RORA: variants seen among roughly 807,000 people sequenced by gnomAD.
RORA encodes the protein RAR related orphan receptor A, also known as nuclear receptor ROR-alpha.
A neutral mutation model predicts 69.5 loss-of-function variants in RORA; 7 were observed. The ratio of observed to expected loss-of-function variants is 0.10; its 90% CI spans 0.06 to 0.19. RORA has a LOEUF of 0.19. RORA is among the 10% of genes least tolerant of loss of function. RORA has a pLI of 1.00. For missense variants in RORA, 457 were observed against 663.0 expected, an observed-to-expected ratio of 0.69 and a Z score of 3.41; for synonymous variants, 261 against 240.8, an observed-to-expected ratio of 1.08 and a Z score of -0.78.
chr15:60,843,573 G>C (rs917326324), intron 1 of RORA, among the ~76,000 whole-genome samples: 1 of 152,214 alleles, frequency 6.6e-6, no homozygotes, highest in African/African-American at 2.4e-5. Flanking sequence ...CCAAGGGCAA[G>C]ATGAGTTACA....
chr15:60,973,908 AG>A (rs1301148474), intron 1 of RORA, among the ~76,000 whole-genome samples: 6 of 152,226 alleles, frequency 3.9e-5, no homozygotes, highest in Admixed American at 3.9e-4. Flanking sequence ...ATTAGCAATT[AG>A]CTGATGGAGG....
At chr15:61,021,780 T>A (rs958486753) in intron 1 of RORA, among the ~76,000 whole-genome samples, 2 of 152,200 alleles carry the variant, frequency 1.3e-5, no homozygotes, top group Non-Finnish European at 2.9e-5. Context: ...GCACTATCAA[T>A]AATTACAACA....
intron 2 of RORA, among the ~76,000 whole-genome samples, chr15:60,556,568 C>G (rs1467710613): frequency 1.3e-5 from 2 of 152,104 alleles, no homozygotes; most frequent in Non-Finnish European, 2.9e-5. Context: ...TTTCTTAGTT[C>G]TCGTGTTCAC....
chr15:61,098,923 G>A (rs2078837590), intron 1 of RORA, among the ~76,000 whole-genome samples: 1 of 152,166 alleles, frequency 6.6e-6, no homozygotes, highest in South Asian at 2.1e-4. Context: ...GTGTTCTACT[G>A]AATACTTCCA....
chr15:60,936,182 T>C (rs916196429), intron 1 of RORA, among the ~76,000 whole-genome samples: 22 of 152,188 alleles, frequency 1.4e-4, no homozygotes, highest in African/African-American at 5.1e-4. Flanking sequence ...CCCAGAGGTA[T>C]CTATGGCCCT....
At chr15:60,860,748 T>C (rs2073428949) in intron 1 of RORA, among the ~76,000 whole-genome samples, 1 of 152,262 alleles carries the variant, frequency 6.6e-6, no homozygotes, top group Non-Finnish European at 1.5e-5. Context: ...ACTACAGATA[T>C]CAAAAGCATT....
chr15:60,742,061 T>C (rs913843428), intron 1 of RORA, among the ~76,000 whole-genome samples: 27 of 152,148 alleles, frequency 1.8e-4, no homozygotes, highest in African/African-American at 5.3e-4. Flanking sequence ...TAGAGAGAAA[T>C]GCAAATAATT....
At chr15:60,752,972 T>A (rs1197875058) in intron 1 of RORA, among the ~76,000 whole-genome samples, 1 of 152,202 alleles carries the variant, frequency 6.6e-6, no homozygotes, top group Admixed American at 6.5e-5. Context: ...TGGCCCCTTT[T>A]CAAAACAACA....
intron 1 of RORA, among the ~76,000 whole-genome samples, chr15:61,045,855 T>C (rs1206500603): frequency 6.6e-6 from 1 of 152,178 alleles, no homozygotes; most frequent in East Asian, 1.9e-4. Context: ...CATAAAGCCA[T>C]ATTTTTCCCC....
intron 2 of RORA, among the ~76,000 whole-genome samples, chr15:60,574,863 C>T (rs1045290766): frequency 6.6e-6 from 1 of 152,168 alleles, no homozygotes; most frequent in African/African-American, 2.4e-5. Context: ...TTTCCAGATC[C>T]ATGCTTGCTC....
intron 1 of RORA, among the ~76,000 whole-genome samples, chr15:60,830,492 T>C (rs1001718255): frequency 8.5e-5 from 13 of 152,242 alleles, no homozygotes; most frequent in African/African-American, 2.9e-4. Flanking sequence ...TAATATTATA[T>C]TATAGCTCTT....
intron 2 of RORA, among the ~76,000 whole-genome samples, chr15:60,665,581 A>G (rs536961138): frequency 6.6e-6 from 1 of 152,368 alleles, no homozygotes; most frequent in East Asian, 1.9e-4. Context: ...CTCAAAATGC[A>G]TATGGTAAAT....
chr15:60,631,771 C>T (rs931653978), intron 2 of RORA, among the ~76,000 whole-genome samples: 4 of 152,200 alleles, frequency 2.6e-5, no homozygotes, highest in Admixed American at 6.5e-5. Flanking sequence ...ACTTCTCACC[C>T]GCGAACTTTC....
intron 1 of RORA, among the ~76,000 whole-genome samples, chr15:61,055,116 T>A (rs1023171849): frequency 5.3e-5 from 8 of 152,152 alleles, no homozygotes; most frequent in African/African-American, 1.7e-4. Context: ...GGATTATAGG[T>A]GTGAGCCACC....
intron 1 of RORA, among the ~76,000 whole-genome samples, chr15:60,815,640 A>G (rs899712135): frequency 1.3e-5 from 2 of 151,342 alleles, no homozygotes; most frequent in Admixed American, 1.3e-4. Context: ...AGATCTGACC[A>G]CCATTGCCCA....
chr15:61,022,362 C>T (rs552834555), intron 1 of RORA, among the ~76,000 whole-genome samples: 3 of 152,162 alleles, frequency 2.0e-5, no homozygotes, highest in Non-Finnish European at 4.4e-5. Flanking sequence ...ATGAGTAGAA[C>T]GGGGCACGGC....
intron 1 of RORA, among the ~76,000 whole-genome samples, chr15:61,211,232 A>G (rs981960345): frequency 8.6e-5 from 13 of 151,634 alleles, no homozygotes; most frequent in East Asian, 2.0e-4. Context: ...GTCTGAGTGT[A>G]TAACTGGAAG....
intron 1 of RORA, among the ~76,000 whole-genome samples, chr15:61,116,815 ATAAC>A: frequency 1.3e-5 from 2 of 152,280 alleles, no homozygotes; most frequent in Middle Eastern, 6.8e-3. Flanking sequence ...TAGAAAAAAT[ATAAC>A]TAAATGGCTC....
At chr15:61,112,722 A>G (rs992975741) in intron 1 of RORA, among the ~76,000 whole-genome samples, 34 of 152,222 alleles carry the variant, frequency 2.2e-4, no homozygotes, top group African/African-American at 8.0e-4. Flanking sequence ...AACTACCTGC[A>G]GGGACACTGA....
Sources: allele counts gnomAD v4.1 joint callset (sites outside exome capture counted in the v4.1 genomes callset), GRCh38; gene constraint gnomAD v4.1.1; transcripts MANE v1.5; gene names NCBI Gene and HGNC (gene_info 2026-07-23, HGNC 2026-07-21).